The following IGFL3 variants were observed in gnomAD, a reference collection of about 807,000 sequenced individuals.
IGFL3 encodes the protein IGF like family member 3.
A neutral mutation model predicts 17.0 loss-of-function variants in IGFL3; 12 were observed. The observed-to-expected ratio is 0.71, with a 90% CI of 0.45 to 1.14. IGFL3 has a LOEUF of 1.14. IGFL3 is among the 50% of genes most tolerant of loss of function. IGFL3 has a pLI of 0.00. For synonymous variants in IGFL3, 52 were observed against 57.4 expected (o/e 0.91, Z 0.42); for missense variants, 153 against 151.6 (o/e 1.01, Z -0.05).
rs780136933 is a variant in IGFL3, at chr19:46,123,984, G to A, written c.252C>T (p.Pro84=). The A allele has an allele frequency of 1.4e-5, 22 of 1,611,400 alleles. No individual in the cohort carries two copies. The highest frequency in any genetic ancestry group is 5.4e-5 in the African/African-American group (4 of 73,844). Residue 84 remains proline (P), a synonymous_variant, in exon 3 of 4, where the codon CCC becomes CCT. Coordinates refer to ENST00000341415, the MANE Select transcript of IGFL3 (RefSeq NM_207393.2). ...TFWPCFELCC[P]ESFGPQQKFL... is the part of the protein sequence containing the mutation. ...ACTTCTGCTGGGGGCCAAAAGACTC[G>A]GGACAGCAGAGCTCAAAGCAGGGCC... is the stretch of plus-strand genomic sequence containing the variant.
chr19:46,121,446 T>C (rs1600805809), intron 3 of IGFL3, among the ~76,000 whole-genome samples: 2 of 146,750 alleles, frequency 1.4e-5, no homozygotes, highest in Non-Finnish European at 3.0e-5. Context: ...TTTCCTCCCA[T>C]CCTACTTACT....
At chr19:46,123,294 A>G (rs572684851) in intron 3 of IGFL3, among the ~76,000 whole-genome samples, 3 of 151,068 alleles carry the variant, frequency 2.0e-5, no homozygotes, top group Middle Eastern at 3.4e-3. Flanking sequence ...TTCAGATAGA[A>G]TTTAAAATTC....
At chr19:46,124,577 G>A in intron 1 of IGFL3, 48 bp downstream of exon 1, 1 of 1,545,764 alleles carries the variant, frequency 6.5e-7, no homozygotes, top group Non-Finnish European at 8.9e-7. Context: ...TTTGGGAGCT[G>A]CACTGGGAAT....
In IGFL3 at chr19:46,120,180, C is replaced by A; in HGVS notation, c.*150G>T. On this transcript the variant is annotated 3_prime_UTR_variant, in exon 4 of 4. Transcript: ENST00000341415. ...CATTCTTCCCCTGAAGTCTGGCCAT[C>A]CCCAGCTGGGCTCCTCTCCAAAGCT... is the stretch of plus-strand genomic sequence containing the variant. 8.9e-7 allele frequency: 1 copy of A among 1,126,690 alleles called. No homozygotes were observed. Among genetic ancestry groups the A allele is most frequent in the Non-Finnish European group, 1.2e-6 (1 of 822,320 alleles). 69.8% of individuals were successfully genotyped at this position (1,126,690 alleles called of 1,614,324 possible).
intron 1 of IGFL3, 81 bp downstream of exon 1, chr19:46,124,536 TAGAGATAA>T: frequency 7.6e-7 from 1 of 1,314,946 alleles, no homozygotes; most frequent in South Asian, 1.2e-5. Context: ...GGAATAATGT[TAGAGATAA>T]AGAGGAATAA....
intron 3 of IGFL3, among the ~76,000 whole-genome samples, chr19:46,123,652 T>G (rs1191931990): frequency 1.3e-5 from 2 of 150,846 alleles, no homozygotes; most frequent in Non-Finnish European, 2.9e-5. Flanking sequence ...GAGTGTCTGG[T>G]GATAGCTGGG....
intron 3 of IGFL3, among the ~76,000 whole-genome samples, chr19:46,120,836 G>A (rs935094320): frequency 2.5e-4 from 37 of 150,822 alleles, no homozygotes; most frequent in Admixed American, 4.0e-4. Context: ...AGAAAAATGA[G>A]AAATATTGAA....
In IGFL3 at chr19:46,124,101, G is replaced by C; in HGVS notation, c.135C>G (p.Asn45Lys). Residue 45 changes from asparagine (N) to lysine (K), a missense_variant, in exon 3 of 4, where the codon AAC (asparagine) becomes AAG (lysine). Asn to Lys is a moderately conservative substitution (Grantham distance 94). Coordinates refer to ENST00000341415, the MANE Select transcript of IGFL3 (RefSeq NM_207393.2). ...WLCQPTPRCG[N>K]KIYNPSEQCC... is the part of the protein sequence containing the mutation. ...ACTGCTCTGAAGGGTTGTAGATCTT[G>C]TTCCCACACCTGGGTGTCGGCTGGC... 6.2e-7 allele frequency: 1 copy of C among 1,611,484 alleles called. No homozygotes were observed. The highest frequency in any genetic ancestry group is 8.5e-7 in the Non-Finnish European group (1 of 1,179,594).
At chr19:46,124,455 A>T (rs1369255827) in intron 1 of IGFL3, 134 bp from the exon 2 acceptor site, 5 of 1,177,548 alleles carry the variant, frequency 4.2e-6, no homozygotes, top group Non-Finnish European at 6.3e-6. Flanking sequence ...TCTGTATGGG[A>T]TCCCGTTCAG....
intron 3 of IGFL3, among the ~76,000 whole-genome samples, chr19:46,122,635 A>G (rs1971838810): frequency 6.6e-6 from 1 of 151,140 alleles, no homozygotes; most frequent in South Asian, 2.1e-4. Context: ...TATTCTGAAT[A>G]TAACTTTTAA....
Position 46,120,335 on chromosome 19 carries a change from G to C in IGFL3, c.373C>G (p.Pro125Ala). ...GCCAGTGGAGCCTGGGGTTTTTATG[G>C]GTACAGGACGTGCCTCCTGTTCCTA... ...CTRNRRHVLY[P>A] is the part of the protein sequence containing the mutation. The change falls in exon 4 of 4, where the codon CCA becomes GCA. Residue 125 changes from proline (P) to alanine (A), a missense_variant. Physicochemically the swap from Pro to Ala is conservative, Grantham distance 27. Coordinates refer to ENST00000341415, the MANE Select transcript of IGFL3 (RefSeq NM_207393.2). The C allele has an allele frequency of 6.2e-7, 1 of 1,610,868 alleles. No individual in the cohort carries two copies. The highest frequency in any genetic ancestry group is 1.1e-5 in the South Asian group (1 of 90,836).
intron 3 of IGFL3, among the ~76,000 whole-genome samples, chr19:46,123,478 A>G (rs1290087608): frequency 1.3e-5 from 2 of 151,000 alleles, no homozygotes; most frequent in African/African-American, 4.9e-5. Context: ...TGGGGAAACA[A>G]AAAAGCCACT....
intron 3 of IGFL3, 119 bp downstream of exon 3, chr19:46,123,767 T>TG: frequency 8.6e-7 from 1 of 1,167,532 alleles, no homozygotes. Flanking sequence ...TTTCCCCTGC[T>TG]GCCACCAGCC....
chr19:46,124,382 C>A, intron 1 of IGFL3, 61 bp from the exon 2 acceptor site: 3 of 1,445,780 alleles, frequency 2.1e-6, no homozygotes, highest in African/African-American at 1.4e-5. Context: ...ATGGAAAAAA[C>A]AAACAAACAA....
rs756584125 is a variant in IGFL3 at position 46,123,904 on chromosome 19, A to G, written c.332T>C (p.Ile111Thr). 1.2e-6 allele frequency: 2 copies of G among 1,610,534 alleles called. No homozygotes were observed. The highest frequency in any genetic ancestry group is 2.7e-5 in the African/African-American group (2 of 73,682). ...CCTTTACCTGGTACAGCTCCGGGAG[A>G]TGGGAGATAAGTGACACTGAGACTT... ...GMKSQCHLSP[I>T]SRSCTRNRRH... The change falls in exon 3 of 4, where the codon ATC becomes ACC. Residue 111 changes from isoleucine to threonine, a missense_variant. By Grantham distance (89) the Ile-to-Thr change is moderately conservative. Transcript: ENST00000341415.
chr19:46,124,164 C>T lies in IGFL3; in HGVS notation c.80-8G>A, dbSNP rs1369820998. 1.9e-6 allele frequency: 3 copies of T among 1,609,928 alleles called. No homozygotes were observed. The highest frequency in any genetic ancestry group is 2.7e-5 in the African/African-American group (2 of 73,866). On this transcript the variant is annotated splice_region_variant and splice_polypyrimidine_tract_variant and intron_variant, in intron 2 of 3. Transcript: ENST00000341415. ...CTGAGCCAACAGGAGCGTCTGGGGG[C>T]AGACATTGATGGTGTACATCCAAGG...
intron 3 of IGFL3, among the ~76,000 whole-genome samples, chr19:46,122,571 A>G (rs1971835628): frequency 6.6e-6 from 1 of 150,986 alleles, no homozygotes; most frequent in Non-Finnish European, 1.5e-5. Flanking sequence ...TTTTTTGGTA[A>G]AGTTTACTGC....
rs1971786213 is a variant in IGFL3 at position 46,121,731 on chromosome 19, A to AT, written c.351-1375dup. 1.3e-5 allele frequency among the ~76,000 whole-genome samples: 2 copies of AT among 150,864 alleles called. 1 individual carries two copies. Among genetic ancestry groups the AT allele is most frequent in the African/African-American group, 4.9e-5 (2 of 40,574 alleles). The stretch of plus-strand genomic sequence containing the variant: ...AGAAAATGTAGGTAAAGAAAGGCAG[A>AT]TTTTTTAGAAAACGTAGAAAAATTG... On this transcript the variant is annotated intron_variant, in intron 3 of 3. Coordinates refer to ENST00000341415, the MANE Select transcript of IGFL3 (RefSeq NM_207393.2).
chr19:46,121,908 C>A (rs2146714729), intron 3 of IGFL3, among the ~76,000 whole-genome samples: 1 of 150,788 alleles, frequency 6.6e-6, no homozygotes, highest in Non-Finnish European at 1.5e-5. Context: ...TTGCATATTT[C>A]TTTTTTAATG....
Sources: allele counts gnomAD v4.1 joint callset (sites outside exome capture counted in the v4.1 genomes callset), GRCh38; gene constraint gnomAD v4.1.1; transcripts MANE v1.5; gene names NCBI Gene and HGNC (gene_info 2026-07-23, HGNC 2026-07-21).